The following CHODL variants were observed in gnomAD, a reference collection of about 807,000 sequenced individuals.
CHODL encodes transmembrane protein MT75.
In CHODL, 29 loss-of-function variants were observed where a neutral mutation model predicts 34.5. The ratio of observed to expected loss-of-function variants is 0.84; its 90% CI spans 0.63 to 1.15. CHODL has a LOEUF of 1.15. CHODL is among the 50% of genes most tolerant of loss of function. The pLI is 0.00. For synonymous variants in CHODL, 125 were observed against 116.1 expected, an observed-to-expected ratio of 1.08 and a Z score of -0.49; for missense variants, 332 against 332.5, an observed-to-expected ratio of 1.00 and a Z score of 0.01.
intron 2 of CHODL, among the ~76,000 whole-genome samples, chr21:18,193,901 G>A (rs1200762292): frequency 6.6e-6 from 1 of 151,598 alleles, no homozygotes; most frequent in African/African-American, 2.4e-5. Context: ...CTAGAAACCT[G>A]CCCCCCCTTG....
chr21:18,207,002 A>C (rs1372803247), intron 2 of CHODL, among the ~76,000 whole-genome samples: 1 of 151,998 alleles, frequency 6.6e-6, no homozygotes, highest in Non-Finnish European at 1.5e-5. Context: ...CGTCATTTAC[A>C]TTAGGTATTT....
chr21:18,121,167 TA>T (rs1454582502), intron 2 of CHODL, among the ~76,000 whole-genome samples: 1 of 152,152 alleles, frequency 6.6e-6, no homozygotes, highest in African/African-American at 2.4e-5. Flanking sequence ...TCTGTGGTTC[TA>T]AATAAGATCT....
intron 2 of CHODL, among the ~76,000 whole-genome samples, chr21:18,222,449 C>CTA: frequency 6.6e-6 from 1 of 152,252 alleles, no homozygotes; most frequent in African/African-American, 2.4e-5. Flanking sequence ...TGGGAACCTG[C>CTA]ACTAATTCCT....
chr21:18,216,376 ATT>A (rs2073828375), intron 2 of CHODL, among the ~76,000 whole-genome samples: 1 of 152,136 alleles, frequency 6.6e-6, no homozygotes, highest in African/African-American at 2.4e-5. Flanking sequence ...ACTACAACAC[ATT>A]TCTTCTATCT....
At chr21:18,102,569 A>G (rs1197088516) in intron 2 of CHODL, among the ~76,000 whole-genome samples, 1 of 152,204 alleles carries the variant, frequency 6.6e-6, no homozygotes, top group Non-Finnish European at 1.5e-5. Flanking sequence ...TTTTAAAGCA[A>G]TTAATGATAA....
intron 2 of CHODL, among the ~76,000 whole-genome samples, chr21:18,215,306 A>G (rs1192826813): frequency 1.3e-5 from 2 of 152,148 alleles, no homozygotes; most frequent in Non-Finnish European, 2.9e-5. Flanking sequence ...CCTACCTACA[A>G]ACTTCCACCT....
chr21:18,016,974 G>A (rs2064081028), intron 1 of CHODL, among the ~76,000 whole-genome samples: 1 of 152,230 alleles, frequency 6.6e-6, no homozygotes, highest in African/African-American at 2.4e-5. Context: ...TATCCCATTT[G>A]GAAGAGGAGC....
intron 2 of CHODL, among the ~76,000 whole-genome samples, chr21:18,233,478 A>C (rs190804510): frequency 1.3e-5 from 2 of 152,208 alleles, no homozygotes; most frequent in East Asian, 3.9e-4. Flanking sequence ...AAGTTAATAT[A>C]TTAAATGTTT....
intron 1 of CHODL, among the ~76,000 whole-genome samples, chr21:17,961,102 G>C (rs2063529030): frequency 6.6e-6 from 1 of 152,072 alleles, no homozygotes; most frequent in Non-Finnish European, 1.5e-5. Context: ...CTACATAGTA[G>C]GTGTTCTATA....
At chr21:17,989,536 A>C (rs749287475) in intron 1 of CHODL, among the ~76,000 whole-genome samples, 9 of 152,208 alleles carry the variant, frequency 5.9e-5, no homozygotes, top group Non-Finnish European at 1.0e-4. Flanking sequence ...ATGTGATTTG[A>C]CTGGCTGTCT....
At chr21:17,951,838 G>A (rs527605727) in intron 1 of CHODL, among the ~76,000 whole-genome samples, 1 of 152,172 alleles carries the variant, frequency 6.6e-6, no homozygotes, top group Non-Finnish European at 1.5e-5. Flanking sequence ...ATGAGCTGTG[G>A]GAAGTTACAA....
At chr21:18,079,718 C>A (rs1440264190) in intron 2 of CHODL, among the ~76,000 whole-genome samples, 2 of 151,712 alleles carry the variant, frequency 1.3e-5, no homozygotes, top group East Asian at 3.9e-4. Context: ...ACAAACCATA[C>A]AAGGGCAGGT....
chr21:18,022,763 C>T (rs908619573), intron 1 of CHODL, among the ~76,000 whole-genome samples: 1 of 152,190 alleles, frequency 6.6e-6, no homozygotes, highest in East Asian at 1.9e-4. Flanking sequence ...CTCAATTCAA[C>T]ATGCAGTTAA....
chr21:18,221,913 G>A (rs1162749194), intron 2 of CHODL, among the ~76,000 whole-genome samples: 1 of 152,198 alleles, frequency 6.6e-6, no homozygotes, highest in Non-Finnish European at 1.5e-5. Context: ...TAGTGTCAAT[G>A]AATGGTGGGT....
intron 2 of CHODL, among the ~76,000 whole-genome samples, chr21:18,214,590 G>C (rs1004783945): frequency 6.6e-6 from 1 of 152,086 alleles, no homozygotes; most frequent in Non-Finnish European, 1.5e-5. Flanking sequence ...AATTGAGGAA[G>C]CAATCTACTT....
chr21:18,049,528 A>G (rs1260968625), intron 2 of CHODL, among the ~76,000 whole-genome samples: 1 of 151,982 alleles, frequency 6.6e-6, no homozygotes, highest in African/African-American at 2.4e-5. Flanking sequence ...ATAACAAAAT[A>G]CCAGAGACTG....
Position 18,115,129 on chromosome 21 carries a change from G to A in CHODL, c.-45+87158G>A, listed in dbSNP as rs542219338. On this transcript the variant is annotated intron_variant, in intron 2 of 6. Coordinates refer to the CHODL transcript ENST00000400127. ...GAAAGATTAATAGAAAAGTTGTAGAGAACAGATTACAGGAGATGAGAGTGA... is the reference window on the plus strand; with the variant it reads ...GAAAGATTAATAGAAAAGTTGTAGAAAACAGATTACAGGAGATGAGAGTGA... Among the ~76,000 whole-genome samples, 822 of 152,294 alleles carry A rather than the reference G, an allele frequency of 5.4e-3. 6 individuals carry two copies. The highest frequency in any genetic ancestry group is 7.4e-3 in the Non-Finnish European group (500 of 68,018).
intron 2 of CHODL, among the ~76,000 whole-genome samples, chr21:18,124,494 T>G (rs1354793102): frequency 6.6e-6 from 1 of 152,176 alleles, no homozygotes. Flanking sequence ...AATCATCTGG[T>G]TCCATATGCT....
In CHODL at chr21:18,105,219, G is replaced by A. The variant is rs527420888; in HGVS notation, c.-45+77248G>A. On this transcript the variant is annotated intron_variant, in intron 2 of 6. Transcript: ENST00000400127. The stretch of plus-strand genomic sequence containing the variant: ...GAAAAATACAGTCTGGAGACGGGAG[G>A]TCACAGCTGCATGCCAGTGTGCAAG... Among the ~76,000 whole-genome samples, 7 of 152,290 alleles carry A rather than the reference G, an allele frequency of 4.6e-5. No homozygotes were observed. The South Asian group carries it at 1.5e-3, about 32-fold the overall frequency.
Sources: gnomAD v4.1 joint callset for allele counts (sites outside exome capture counted in the v4.1 genomes callset) on GRCh38, gnomAD v4.1.1 for gene constraint, MANE v1.5 for transcripts, NCBI Gene and HGNC (gene_info 2026-07-23, HGNC 2026-07-21) for gene names.